CHN2: variants seen among roughly 807,000 people sequenced by gnomAD.
CHN2 encodes beta-chimaerin.
CHN2 carries 35 observed loss-of-function variants against 56.3 expected under a neutral mutation model. The ratio of observed to expected loss-of-function variants is 0.62; its 90% confidence interval spans 0.47 to 0.82. The LOEUF is 0.82. Ranked by LOEUF, CHN2 falls within the 40% of genes least tolerant of loss-of-function variation. The probability of loss-of-function intolerance (pLI) is 0.00; values close to 1 mark genes in which losing one functional copy is unlikely to be tolerated. For missense variants in CHN2, 491 were observed against 580.5 expected, an observed-to-expected ratio of 0.85 and a Z score of 1.58; for synonymous variants, 210 against 212.8, an observed-to-expected ratio of 0.99 and a Z score of 0.12.
intron 1 of CHN2, among the ~76,000 whole-genome samples, chr7:29,273,901 T>C (rs1321331118): frequency 6.6e-6 from 1 of 152,146 alleles, no homozygotes; most frequent in African/African-American, 2.4e-5. Context: ...ACAAGTTAAA[T>C]AATGTCTCAA....
chr7:29,251,841 A>G (rs1788543754), intron 1 of CHN2, among the ~76,000 whole-genome samples: 1 of 152,220 alleles, frequency 6.6e-6, no homozygotes, highest in Non-Finnish European at 1.5e-5. Flanking sequence ...AATTATATGT[A>G]ATTGAAGATA....
intron 7 of CHN2, among the ~76,000 whole-genome samples, chr7:29,487,086 A>G (rs565994365): frequency 6.6e-6 from 1 of 152,168 alleles, no homozygotes; most frequent in South Asian, 2.1e-4. Flanking sequence ...CCAGGTGTCT[A>G]TCACCCTTTT....
intron 11 of CHN2, 121 bp downstream of exon 11, chr7:29,507,486 G>C: frequency 1.3e-6 from 1 of 756,376 alleles, no homozygotes; most frequent in South Asian, 1.9e-5. Context: ...CTTGTCAAGT[G>C]AGGGCACAAC....
chr7:29,370,332 C>T lies in CHN2; in HGVS notation c.144+2345C>T, dbSNP rs1236020988. Among the ~76,000 whole-genome samples, 21 of 152,172 alleles carry T rather than the reference C, an allele frequency of 1.4e-4. 1 individual carries two copies. The highest frequency in any genetic ancestry group is 1.4e-3 in the Admixed American group (21 of 15,288). On this transcript the variant is annotated intron_variant, in intron 3 of 12. Coordinates refer to ENST00000222792, the MANE Select transcript of CHN2 (RefSeq NM_004067.4). ...ACACTTGCATGCTTGGGAGACATGC[C>T]TAATGAAGACAGAAAGCCTTTCTGT... is the stretch of plus-strand genomic sequence containing the variant.
chr7:29,320,909 T>C (rs1334464494), intron 1 of CHN2, among the ~76,000 whole-genome samples: 3 of 152,224 alleles, frequency 2.0e-5, no homozygotes, highest in African/African-American at 7.2e-5. Flanking sequence ...CCCATCTCGA[T>C]TTATTCTCAG....
At chr7:29,375,753 T>C (rs1440037945) in intron 3 of CHN2, among the ~76,000 whole-genome samples, 1 of 152,150 alleles carries the variant, frequency 6.6e-6, no homozygotes, top group Non-Finnish European at 1.5e-5. Context: ...TACTGGCTTT[T>C]GTAACACCAA....
chr7:29,182,119 C>T (rs1037293150), intron 2 of CHN2, among the ~76,000 whole-genome samples: 5 of 152,180 alleles, frequency 3.3e-5, no homozygotes, highest in African/African-American at 1.2e-4. Flanking sequence ...AACTAACACT[C>T]ATTAATCACT....
intron 7 of CHN2, among the ~76,000 whole-genome samples, chr7:29,482,627 A>G (rs1041254087): frequency 6.6e-6 from 1 of 151,738 alleles, no homozygotes; most frequent in Admixed American, 6.6e-5. Flanking sequence ...TTTTATTTAC[A>G]TTAACTTCTA....
At chr7:29,293,739 C>T (rs1002351817) in intron 1 of CHN2, among the ~76,000 whole-genome samples, 1 of 152,134 alleles carries the variant, frequency 6.6e-6, no homozygotes, top group African/African-American at 2.4e-5. Context: ...GTGCTACCTG[C>T]GCTCCTTTCC....
intron 7 of CHN2, among the ~76,000 whole-genome samples, chr7:29,480,634 G>T (rs1033074501): frequency 6.6e-6 from 1 of 152,208 alleles, no homozygotes; most frequent in African/African-American, 2.4e-5. Context: ...CCCATGTCCA[G>T]TGAAATAAAC....
chr7:29,366,925 T>G (rs190478943), intron 2 of CHN2, among the ~76,000 whole-genome samples: 1 of 152,344 alleles, frequency 6.6e-6, no homozygotes, highest in Admixed American at 6.5e-5. Flanking sequence ...CATTTTTTAT[T>G]TTTAGACCTA....
intron 1 of CHN2, among the ~76,000 whole-genome samples, chr7:29,262,256 A>G (rs1789614892): frequency 6.6e-6 from 1 of 152,232 alleles, no homozygotes; most frequent in Non-Finnish European, 1.5e-5. Flanking sequence ...TTGATAAGAT[A>G]CTTAGAAGGA....
intron 6 of CHN2, among the ~76,000 whole-genome samples, chr7:29,476,870 C>A (rs772480876): frequency 1.3e-5 from 2 of 152,124 alleles, no homozygotes; most frequent in African/African-American, 2.4e-5. Context: ...CAGTGAGAAT[C>A]CCTGGTTCAA....
chr7:29,355,181 G>A lies in CHN2; in HGVS notation c.88+518G>A, dbSNP rs184705901. Among the ~76,000 whole-genome samples, 77 of 152,080 alleles carry A rather than the reference G, an allele frequency of 5.1e-4. 2 individuals are homozygous for A. The East Asian group carries it at 0.014, about 28-fold the overall frequency. On this transcript the variant is annotated intron_variant, in intron 2 of 12. Transcript: ENST00000222792. ...AGACGAGGTTTCTCCATGTTGGTCA[G>A]GATGGTCTCGAACTCCCGACCTCAG...
At chr7:29,477,911 C>T (rs1292838106) in intron 6 of CHN2, among the ~76,000 whole-genome samples, 1 of 152,214 alleles carries the variant, frequency 6.6e-6, no homozygotes, top group Non-Finnish European at 1.5e-5. Context: ...TATTCAGTGT[C>T]TACTGTGGCA....
intron 7 of CHN2, 117 bp downstream of exon 7, chr7:29,480,473 T>C (rs1339096293): frequency 9.0e-7 from 1 of 1,107,208 alleles, no homozygotes; most frequent in African/African-American, 1.6e-5. Flanking sequence ...TCCTTTGCTT[T>C]CCACATTTAG....
At chr7:29,368,984 T>C (rs1490428198) in intron 3 of CHN2, among the ~76,000 whole-genome samples, 3 of 152,222 alleles carry the variant, frequency 2.0e-5, no homozygotes, top group Non-Finnish European at 2.9e-5. Flanking sequence ...ATTTATTTGG[T>C]ACTCTGATCT....
chr7:29,477,258 T>C (rs752181980), intron 6 of CHN2, among the ~76,000 whole-genome samples: 4 of 152,248 alleles, frequency 2.6e-5, no homozygotes, highest in Non-Finnish European at 4.4e-5. Flanking sequence ...GTTCCTTCAC[T>C]TGTCTGAATG....
intron 1 of CHN2, among the ~76,000 whole-genome samples, chr7:29,258,099 GA>G (rs1204193259): frequency 6.6e-6 from 1 of 152,038 alleles, no homozygotes; most frequent in African/African-American, 2.4e-5. Flanking sequence ...GATTTATCTT[GA>G]TGAAATACTA....
Sources: allele counts gnomAD v4.1 joint callset (sites outside exome capture counted in the v4.1 genomes callset), GRCh38; gene constraint gnomAD v4.1.1; transcripts MANE v1.5; gene names NCBI Gene and HGNC (gene_info 2026-07-23, HGNC 2026-07-21).